Variants in ADAMTS6 observed in about 807,000 individuals in gnomAD.
ADAMTS6 encodes A disintegrin and metalloproteinase with thrombospondin motifs 6.
A neutral mutation model predicts 144.3 loss-of-function variants in ADAMTS6; 23 were observed. That is an observed-to-expected ratio of 0.16 (90% CI 0.11 to 0.23). The LOEUF is 0.23. Ranked by LOEUF, ADAMTS6 falls within the 10% of genes least tolerant of loss-of-function variation. The probability of loss-of-function intolerance (pLI) is 1.00; values close to 1 mark genes in which losing one functional copy is unlikely to be tolerated. For missense variants in ADAMTS6, 999 were observed against 1,379.6 expected (o/e 0.72, Z 4.37); for synonymous variants, 444 against 457.5 (o/e 0.97, Z 0.38).
chr5:65,314,182 A>C (rs1055874690), intron 9 of ADAMTS6, among the ~76,000 whole-genome samples: 4 of 152,134 alleles, frequency 2.6e-5, no homozygotes, highest in African/African-American at 9.6e-5. Context: ...AACTCTTAAG[A>C]AAAAAGCTTT....
chr5:65,337,224 TACTC>T (rs1747389977), intron 7 of ADAMTS6, among the ~76,000 whole-genome samples: 3 of 152,262 alleles, frequency 2.0e-5, no homozygotes, highest in East Asian at 3.9e-4. Context: ...ACTTTGTGTA[TACTC>T]ACTCAATATC....
At chr5:65,420,663 G>A (rs1755948702) in intron 7 of ADAMTS6, among the ~76,000 whole-genome samples, 1 of 89,524 alleles carries the variant, frequency 1.1e-5, no homozygotes, top group Non-Finnish European at 2.1e-5. Flanking sequence ...TTACAGGCGT[G>A]ACCACTGCGC....
chr5:65,466,794 G>A (rs1022839671), intron 3 of ADAMTS6, among the ~76,000 whole-genome samples: 1 of 152,192 alleles, frequency 6.6e-6, no homozygotes, highest in Admixed American at 6.5e-5. Flanking sequence ...TGTAATCCCA[G>A]CACTTTGGGA....
intron 12 of ADAMTS6, among the ~76,000 whole-genome samples, 159 bp downstream of exon 12, chr5:65,273,181 A>G (rs181747179): frequency 6.6e-6 from 1 of 152,366 alleles, no homozygotes; most frequent in East Asian, 1.9e-4. Flanking sequence ...GCATATTTGC[A>G]GCTACCAAGG....
chr5:65,231,069 A>C lies in ADAMTS6; in HGVS notation c.1934-4850T>G, dbSNP rs544908758. ...ATTACTTTAAATGTAAATGGATTAA[A>C]TTCTACAATGAAAAACAAAATGAAT... On this transcript the variant is annotated intron_variant, in intron 15 of 24. Transcript: ENST00000381055. 2.0e-5 allele frequency among the ~76,000 whole-genome samples: 3 copies of C among 151,552 alleles called. No individual in the cohort carries two copies. The South Asian group carries it at 6.2e-4, about 31-fold the overall frequency.
intron 15 of ADAMTS6, among the ~76,000 whole-genome samples, chr5:65,229,873 T>C (rs566702695): frequency 6.6e-6 from 1 of 152,182 alleles, no homozygotes; most frequent in East Asian, 1.9e-4. Flanking sequence ...AATTCCCAAA[T>C]CTAGAGAGCA....
intron 9 of ADAMTS6, among the ~76,000 whole-genome samples, chr5:65,303,733 A>G (rs896389627): frequency 2.6e-5 from 4 of 152,022 alleles, no homozygotes; most frequent in African/African-American, 9.6e-5. Flanking sequence ...CATTGAATTA[A>G]AAGAGGGGAA....
intron 7 of ADAMTS6, among the ~76,000 whole-genome samples, chr5:65,395,578 A>G (rs6449783): frequency 0.11 from 16,093 of 152,218 alleles, 935 homozygotes; most frequent in Middle Eastern, 0.13. Flanking sequence ...TATTATTTAT[A>G]CAAAAAAACA....
At position 65,321,279 on chromosome 5, in the gene ADAMTS6, T is replaced by C. The variant is rs574474122; in HGVS notation, c.1223+8099A>G. Among the ~76,000 whole-genome samples, 3 of 152,342 alleles carry C rather than the reference T, an allele frequency of 2.0e-5. No individual in the cohort carries two copies. In the South Asian group the frequency reaches 6.2e-4, roughly 32 times the overall value. ...AGGTGTTATCTCACTGTGGTTTTGA[T>C]TTGGATTTCTCTAATTATCAGTGAT... On this transcript the variant is annotated intron_variant, in intron 9 of 24. Coordinates refer to ENST00000381055, the MANE Select transcript of ADAMTS6 (RefSeq NM_197941.4).
chr5:65,412,074 C>G (rs988070655), intron 7 of ADAMTS6, among the ~76,000 whole-genome samples: 16 of 152,028 alleles, frequency 1.1e-4, no homozygotes, highest in African/African-American at 3.9e-4. Flanking sequence ...ATTATACTGT[C>G]CATTTTATGG....
At chr5:65,277,445 T>C (rs1306860995) in intron 11 of ADAMTS6, among the ~76,000 whole-genome samples, 1 of 152,190 alleles carries the variant, frequency 6.6e-6, no homozygotes, top group Non-Finnish European at 1.5e-5. Flanking sequence ...AGGTGCTTGC[T>C]TTATTTCGTT....
chr5:65,302,294 TATA>T (rs1376107472), intron 9 of ADAMTS6, among the ~76,000 whole-genome samples: 3 of 144,656 alleles, frequency 2.1e-5, no homozygotes, highest in Non-Finnish European at 4.5e-5. Flanking sequence ...AATATTAATA[TATA>T]ATATATAATT....
At chr5:65,446,898 C>T (rs899625837) in intron 7 of ADAMTS6, among the ~76,000 whole-genome samples, 2 of 152,080 alleles carry the variant, frequency 1.3e-5, no homozygotes, top group African/African-American at 4.8e-5. Context: ...GATTGCACAA[C>T]TCTGTGAATA....
intron 20 of ADAMTS6, among the ~76,000 whole-genome samples, chr5:65,204,206 A>C (rs2112265322): frequency 6.6e-6 from 1 of 152,366 alleles, no homozygotes; most frequent in Admixed American, 6.5e-5. Flanking sequence ...TTTAAGCTTA[A>C]GTTATATTGA....
chr5:65,175,100 T>C (rs556787449), intron 22 of ADAMTS6, among the ~76,000 whole-genome samples: 1 of 152,036 alleles, frequency 6.6e-6, no homozygotes, highest in Non-Finnish European at 1.5e-5. Flanking sequence ...TTACAGCTGG[T>C]TTTAGACCCC....
chr5:65,273,817 T>C (rs1021144433), intron 11 of ADAMTS6, among the ~76,000 whole-genome samples: 1 of 152,064 alleles, frequency 6.6e-6, no homozygotes, highest in Non-Finnish European at 1.5e-5. Flanking sequence ...AACTTACCAA[T>C]TACTAATAAA....
At chr5:65,468,269 CAT>C (rs1360650273) in intron 3 of ADAMTS6, among the ~76,000 whole-genome samples, 1 of 151,804 alleles carries the variant, frequency 6.6e-6, no homozygotes, top group African/African-American at 2.4e-5. Flanking sequence ...TGATTAAAAA[CAT>C]AGAATTTATT....
chr5:65,475,584 A>AT (rs1760792654), intron 1 of ADAMTS6, among the ~76,000 whole-genome samples: 1 of 152,210 alleles, frequency 6.6e-6, no homozygotes, highest in South Asian at 2.1e-4. Context: ...TCAGAGAAGA[A>AT]TGAATCAAGG....
chr5:65,370,851 C>A (rs969198697), intron 7 of ADAMTS6, among the ~76,000 whole-genome samples: 1 of 152,200 alleles, frequency 6.6e-6, no homozygotes, highest in Non-Finnish European at 1.5e-5. Flanking sequence ...ACAGCAGTAA[C>A]CTCTGCAGAC....
Sources: gnomAD v4.1 joint callset for allele counts (sites outside exome capture counted in the v4.1 genomes callset) on GRCh38, gnomAD v4.1.1 for gene constraint, MANE v1.5 for transcripts, NCBI Gene and HGNC (gene_info 2026-07-23, HGNC 2026-07-21) for gene names.